Variants in CDH13 observed in about 807,000 individuals in gnomAD.
CDH13 encodes cadherin-13.
CDH13 carries 24 observed loss-of-function variants against 63.8 expected under a neutral mutation model. The observed-to-expected ratio is 0.38, with a 90% CI of 0.27 to 0.53. The LOEUF (loss-of-function observed/expected upper bound fraction) is 0.53. Among genes scored for constraint, CDH13 ranks in the 20% least tolerant of loss-of-function variants. The pLI is 0.85. For missense variants in CDH13, 1,049 were observed against 903.1 expected (o/e 1.16, Z -2.07); for synonymous variants, 503 against 355.3 (o/e 1.42, Z -4.67).
chr16:82,662,232 CAG>C (rs1491184383), intron 1 of CDH13, among the ~76,000 whole-genome samples: 2 of 138,200 alleles, frequency 1.4e-5, no homozygotes, highest in Non-Finnish European at 3.3e-5. Context: ...ACTTAAAAAA[CAG>C]ATGCAACACA....
At chr16:83,724,835 A>G (rs1366464346) in intron 10 of CDH13, among the ~76,000 whole-genome samples, 1 of 152,172 alleles carries the variant, frequency 6.6e-6, no homozygotes, top group Non-Finnish European at 1.5e-5. Flanking sequence ...TGCAGCCAGG[A>G]GCTGCTCCCT....
chr16:83,258,458 C>T (rs148304630), intron 5 of CDH13, among the ~76,000 whole-genome samples: 111 of 152,202 alleles, frequency 7.3e-4, no homozygotes, highest in African/African-American at 2.6e-3. Context: ...AAAGATATGC[C>T]AGTAAAACCC....
At chr16:83,059,454 T>A (rs892803511) in intron 3 of CDH13, among the ~76,000 whole-genome samples, 1 of 152,132 alleles carries the variant, frequency 6.6e-6, no homozygotes, top group Admixed American at 6.6e-5. Context: ...AAAAGAACTG[T>A]CCAGTGCAGC....
chr16:83,162,311 T>C (rs56109343), intron 4 of CDH13, among the ~76,000 whole-genome samples: 11,163 of 152,200 alleles, frequency 0.073, 1,355 homozygotes, highest in African/African-American at 0.25. Context: ...ATGACAAAGA[T>C]GCTTTCATGA....
intron 2 of CDH13, among the ~76,000 whole-genome samples, chr16:82,896,276 ATTTTTTTTTTTT>A (rs59677448): frequency 5.2e-4 from 46 of 87,874 alleles, no homozygotes; most frequent in Admixed American, 2.1e-3. Context: ...TAGGATTAGG[ATTTTTTTTTTTT>A]TTTTTTTTTT....
chr16:82,628,412 C>G (rs1907617579), intron 1 of CDH13, among the ~76,000 whole-genome samples: 1 of 152,132 alleles, frequency 6.6e-6, no homozygotes, highest in African/African-American at 2.4e-5. Flanking sequence ...CAGGTAGGGA[C>G]TGTCTGGGAT....
intron 7 of CDH13, among the ~76,000 whole-genome samples, chr16:83,554,599 C>T (rs746782362): frequency 2.0e-5 from 3 of 152,038 alleles, no homozygotes; most frequent in Non-Finnish European, 4.4e-5. Context: ...GAGTCTCACA[C>T]TTGGTTGCCT....
intron 4 of CDH13, among the ~76,000 whole-genome samples, chr16:83,147,211 C>G (rs1053572538): frequency 3.3e-5 from 5 of 152,232 alleles, no homozygotes; most frequent in Admixed American, 6.5e-5. Flanking sequence ...ACATCACCAA[C>G]TGTAGTCAAC....
chr16:82,911,253 A>T (rs1770963542), intron 2 of CDH13, among the ~76,000 whole-genome samples: 1 of 152,236 alleles, frequency 6.6e-6, no homozygotes, highest in South Asian at 2.1e-4. Context: ...TGTGTGAAAA[A>T]GAAACTTCTG....
At chr16:83,060,704 C>T (rs373137723) in intron 3 of CDH13, among the ~76,000 whole-genome samples, 1 of 152,208 alleles carries the variant, frequency 6.6e-6, no homozygotes, top group Non-Finnish European at 1.5e-5. Flanking sequence ...TGTGCAAATA[C>T]ATCTCAGATC....
chr16:83,667,003 A>T (rs1042601657), intron 8 of CDH13, among the ~76,000 whole-genome samples: 2 of 119,214 alleles, frequency 1.7e-5, no homozygotes, highest in South Asian at 2.7e-4. Context: ...GGATGGATGG[A>T]TGGATGGATG....
chr16:83,021,541 C>A (rs917630632), intron 2 of CDH13, among the ~76,000 whole-genome samples: 1 of 152,136 alleles, frequency 6.6e-6, no homozygotes, highest in Non-Finnish European at 1.5e-5. Context: ...TGTCTTTTTC[C>A]AAGAGGAAGC....
At position 83,248,297 on chromosome 16, in the gene CDH13, G is replaced by T. The variant is rs1905163426; in HGVS notation, c.636+30800G>T. ...GAAGAAGGAGAAACAGAGGCAGGGG[G>T]GTACATAAAAATCCTACCCTCTAGC... is the stretch of plus-strand genomic sequence containing the variant. On this transcript the variant is annotated intron_variant, in intron 5 of 13. Transcript: ENST00000567109. Among the ~76,000 whole-genome samples the T allele has an allele frequency of 2.6e-5, 4 of 152,046 alleles. No individual in the cohort carries two copies. In the South Asian group the frequency reaches 6.2e-4, roughly 24 times the overall value.
chr16:83,141,450 A>T (rs2036525237), intron 4 of CDH13, among the ~76,000 whole-genome samples: 1 of 152,030 alleles, frequency 6.6e-6, no homozygotes, highest in Admixed American at 6.5e-5. Context: ...GACTAATCTT[A>T]TTCTTTATAT....
intron 1 of CDH13, among the ~76,000 whole-genome samples, chr16:82,846,058 C>G (rs1223548969): frequency 6.6e-6 from 1 of 152,168 alleles, no homozygotes; most frequent in Non-Finnish European, 1.5e-5. Context: ...TATTTTGAGA[C>G]AAAACACCTT....
chr16:83,616,372 G>C (rs757759765), intron 8 of CDH13, among the ~76,000 whole-genome samples: 18 of 151,970 alleles, frequency 1.2e-4, no homozygotes, highest in Non-Finnish European at 2.6e-4. Context: ...GTGATGTGTT[G>C]ATCCCCATCA....
intron 1 of CDH13, among the ~76,000 whole-genome samples, chr16:82,820,164 C>T (rs192064227): frequency 4.1e-4 from 63 of 152,206 alleles, no homozygotes; most frequent in Non-Finnish European, 7.5e-4. Context: ...GATTAAATAT[C>T]ATTGATTTGT....
At chr16:83,037,901 A>G (rs940513714) in intron 3 of CDH13, among the ~76,000 whole-genome samples, 1 of 152,220 alleles carries the variant, frequency 6.6e-6, no homozygotes. Context: ...GCATAGCACC[A>G]GACATCAAGG....
At chr16:83,548,439 C>A (rs1438896686) in intron 7 of CDH13, among the ~76,000 whole-genome samples, 1 of 152,168 alleles carries the variant, frequency 6.6e-6, no homozygotes, top group African/African-American at 2.4e-5. Context: ...AACAGCAAAG[C>A]TTTATCTGGC....
Sources: gnomAD v4.1 joint callset for allele counts (sites outside exome capture counted in the v4.1 genomes callset) on GRCh38, gnomAD v4.1.1 for gene constraint, MANE v1.5 for transcripts, NCBI Gene and HGNC (gene_info 2026-07-23, HGNC 2026-07-21) for gene names.